The following ZNF534 variants were observed in gnomAD, a reference collection of about 807,000 sequenced individuals.
The protein encoded by ZNF534 is zinc finger protein 534, also known as KRAB domain only 3.
A neutral mutation model predicts 13.6 loss-of-function variants in ZNF534; 19 were observed. The ratio of observed to expected loss-of-function variants is 1.40; its 90% CI spans 0.97 to 2.05. The LOEUF (loss-of-function observed/expected upper bound fraction) is 2.05. ZNF534 is among the 30% of genes most tolerant of loss of function. ZNF534 has a pLI of 0.00. For synonymous variants in ZNF534, 244 were observed against 273.8 expected (o/e 0.89, Z 1.07); for missense variants, 782 against 796.3 (o/e 0.98, Z 0.22).
intron 2 of ZNF534, 76 bp from the exon 3 acceptor site, chr19:52,433,879 A>G: frequency 6.3e-7 from 1 of 1,576,334 alleles, no homozygotes; most frequent in Admixed American, 1.7e-5. Flanking sequence ...GTGAGTCCTT[A>G]CAACTGTCTT....
At chr19:52,432,984 T>G (rs1281305398) in intron 2 of ZNF534, among the ~76,000 whole-genome samples, 1 of 152,074 alleles carries the variant, frequency 6.6e-6, no homozygotes, top group Non-Finnish European at 1.5e-5. Context: ...AGCTCATGCC[T>G]GTAATCCCAG....
chr19:52,431,856 C>CT (rs113745068), intron 2 of ZNF534, among the ~76,000 whole-genome samples: 1,848 of 140,108 alleles, frequency 0.013, 22 homozygotes, highest in South Asian at 0.023. Context: ...TGTGGAATTC[C>CT]TTTTTTTTTT....
chr19:52,435,268 T>C, intron 4 of ZNF534, 59 bp downstream of exon 4: 1 of 1,527,032 alleles, frequency 6.5e-7, no homozygotes, highest in South Asian at 1.3e-5. Context: ...GAGAAGGGTC[T>C]CACTCTGTCA....
chr19:52,433,643 G>A (rs946896704), intron 2 of ZNF534, among the ~76,000 whole-genome samples: 1 of 152,230 alleles, frequency 6.6e-6, no homozygotes, highest in African/African-American at 2.4e-5. Context: ...TGGGATTACA[G>A]GCATGAGCCG....
At chr19:52,432,568 A>C (rs138323106) in intron 2 of ZNF534, among the ~76,000 whole-genome samples, 15 of 152,224 alleles carry the variant, frequency 9.9e-5, no homozygotes, top group African/African-American at 3.6e-4. Context: ...GAAGTGTTCT[A>C]TTCAGCCATT....
chr19:52,446,407 AAG>A (rs1183697030), downstream of ZNF534, among the ~76,000 whole-genome samples: 2 of 152,120 alleles, frequency 1.3e-5, no homozygotes. Context: ...CCACCTAAAA[AAG>A]AGATTTTTGT....
At chr19:52,430,601 A>G (rs928394625) in intron 1 of ZNF534, among the ~76,000 whole-genome samples, 19 of 150,754 alleles carry the variant, frequency 1.3e-4, no homozygotes, top group Admixed American at 4.6e-4. Flanking sequence ...CCCAGGCTGG[A>G]GTGCAGTGTT....
exon 5 of ZNF534, chr19:52,451,451 A>C: frequency 1.6e-6 from 1 of 613,924 alleles, no homozygotes. Flanking sequence ...CACGCCCCGG[A>C]CGCTGTCCAG....
chr19:52,451,785 C>A, exon 5 of ZNF534: 1 of 702,752 alleles, frequency 1.4e-6, no homozygotes, highest in South Asian at 1.5e-5. Flanking sequence ...GTGTTGTACT[C>A]TTTAATTTTT....
chr19:52,443,699 G>A (rs569370004), downstream of ZNF534, among the ~76,000 whole-genome samples: 129 of 152,008 alleles, frequency 8.5e-4, 2 homozygotes, highest in East Asian at 0.012. Context: ...GCAGTGAGCC[G>A]AGATTGCGCC....
At chr19:52,430,027 T>G (rs1419623339) in intron 1 of ZNF534, among the ~76,000 whole-genome samples, 14 of 151,298 alleles carry the variant, frequency 9.3e-5, no homozygotes, top group African/African-American at 3.4e-4. Flanking sequence ...TTTTTTTGGG[T>G]TTTTTTGAGA....
chr19:52,438,209 T>G lies in ZNF534; in HGVS notation c.749T>G (p.Val250Gly). Residue 250 changes from valine to glycine, a missense_variant, in exon 5 of 5, where the codon GTC becomes GGC. Around this residue, in one of 5 missense-constraint regions of ZNF534, gnomAD observed 591 missense variants for 574.0 expected, o/e 1.03. Transcript: ENST00000433050. ...TACAAATATAATGAATGTGGCAAAG[T>G]CTTCAATCAGAATTCACACCTTGCA... ...KPYKYNECGKVFNQNSHLAQH... is the reference protein window; with the variant it reads ...KPYKYNECGKGFNQNSHLAQH... The G allele has an allele frequency of 6.2e-7, 1 of 1,613,828 alleles. No homozygotes were observed. The highest frequency in any genetic ancestry group is 8.5e-7 in the Non-Finnish European group (1 of 1,179,924).
At chr19:52,433,598 C>T (rs943045653) in intron 2 of ZNF534, among the ~76,000 whole-genome samples, 2 of 152,170 alleles carry the variant, frequency 1.3e-5, no homozygotes, top group Admixed American at 6.6e-5. Flanking sequence ...GATCTCCTGA[C>T]CTCGTGATCC....
chr19:52,431,590 C>G (rs2059087652), intron 2 of ZNF534, 101 bp downstream of exon 2: 1 of 1,460,780 alleles, frequency 6.8e-7, no homozygotes, highest in Non-Finnish European at 9.5e-7. Flanking sequence ...CTGCCTGACT[C>G]ATTTCATTGC....
exon 5 of ZNF534, chr19:52,451,308 C>T: frequency 8.8e-7 from 1 of 1,139,484 alleles, no homozygotes; most frequent in Non-Finnish European, 1.3e-6. Context: ...TGCCCTCGCC[C>T]CTCGCTCTGC....
At position 52,441,815 on chromosome 19, in the gene ZNF534, G is replaced by T. The variant is rs1457566859; in HGVS notation, c.*2369G>T. On this transcript the variant is annotated 3_prime_UTR_variant, in exon 5 of 5. Transcript: ENST00000433050. ...TTACAAATACAAATCACCACATAAT[G>T]GAGAGAAACCTTACAAATGCAACAT... Among the ~76,000 whole-genome samples the T allele has an allele frequency of 1.3e-5, 2 of 152,028 alleles. No homozygotes were observed. Among genetic ancestry groups the T allele is most frequent in the Non-Finnish European group, 2.9e-5 (2 of 68,020 alleles).
At chr19:52,433,662 G>A (rs949825595) in intron 2 of ZNF534, among the ~76,000 whole-genome samples, 1 of 152,202 alleles carries the variant, frequency 6.6e-6, no homozygotes, top group African/African-American at 2.4e-5. Context: ...CGCCGTGCCC[G>A]GCAGTAATAC....
chr19:52,432,752 C>G (rs1568441215), intron 2 of ZNF534, among the ~76,000 whole-genome samples: 1 of 152,036 alleles, frequency 6.6e-6, no homozygotes, highest in African/African-American at 2.4e-5. Context: ...CCTGCCTCAG[C>G]CTCCTGAGTA....
At chr19:52,448,766 T>C (rs2059202721) in intron 4 of ZNF534, among the ~76,000 whole-genome samples, 1 of 152,248 alleles carries the variant, frequency 6.6e-6, no homozygotes, top group African/African-American at 2.4e-5. Context: ...TTTATTTATA[T>C]GGTACATGTG....
Sources: gnomAD v4.1 joint callset for allele counts (sites outside exome capture counted in the v4.1 genomes callset) on GRCh38, gnomAD v4.1.1 for gene constraint, gnomAD v4.1.1 regional missense constraint, MANE v1.5 for transcripts, NCBI Gene and HGNC (gene_info 2026-07-23, HGNC 2026-07-21) for gene names.